Variants in BAZ2A observed in about 807,000 individuals in gnomAD.
The protein encoded by BAZ2A is bromodomain adjacent to zinc finger domain protein 2A.
In BAZ2A, 34 loss-of-function variants were observed where a neutral mutation model predicts 199.9. The observed-to-expected ratio is 0.17, with a 90% CI of 0.13 to 0.23. The LOEUF is 0.23. BAZ2A is among the 10% of genes least tolerant of loss of function. BAZ2A has a pLI of 1.00. For synonymous variants in BAZ2A, 857 were observed against 883.9 expected (o/e 0.97, Z 0.54); for missense variants, 2,002 against 2,391.1 (o/e 0.84, Z 3.39).
At position 56,611,994 on chromosome 12, in the gene BAZ2A, A is replaced by G. The variant is rs1313206493; in HGVS notation, c.1388T>C (p.Val463Ala). The change falls in exon 6 of 29, where the codon GTC (valine) becomes GCC (alanine). Residue 463 changes from valine to alanine, a missense_variant. Val to Ala is a moderately conservative substitution (Grantham distance 64). Transcript: ENST00000549884. ...GGAAGCTGGAGAGACCACTGAGAAG[A>G]CTGCTGGAGAGACAACTGTAGAAGC... ...PAASTVVSPA[V>A]FSVVSPASSA... 1 of 1,613,628 alleles carries G rather than the reference A, an allele frequency of 6.2e-7. No individual in the cohort carries two copies. Among genetic ancestry groups the G allele is most frequent in the Non-Finnish European group, 8.5e-7 (1 of 1,179,798 alleles).
At chr12:56,616,787 A>C (rs1950737358) in intron 2 of BAZ2A, among the ~76,000 whole-genome samples, 1 of 152,134 alleles carries the variant, frequency 6.6e-6, no homozygotes, top group Non-Finnish European at 1.5e-5. Context: ...CTTGAAACCC[A>C]AGCAAGATTA....
chr12:56,613,829 T>C (rs1356786711), intron 4 of BAZ2A, 124 bp downstream of exon 4: 3 of 1,049,340 alleles, frequency 2.9e-6, no homozygotes, highest in African/African-American at 3.2e-5. Flanking sequence ...TGGTCTGCCT[T>C]AGGCCTACCT....
Position 56,597,583 on chromosome 12 carries a change from G to T in BAZ2A, c.*1035C>A. On this transcript the variant is annotated 3_prime_UTR_variant, in exon 29 of 29. Coordinates refer to ENST00000549884, the MANE Select transcript of BAZ2A (RefSeq NM_001300905.2). ...GCACGCACACACACACACACACACA[G>T]CGCGCGCTCTGAGGCTGACACACAC... 1 of 18,352 alleles carries T rather than the reference G, an allele frequency of 5.4e-5. No individual in the cohort carries two copies. Among genetic ancestry groups the T allele is most frequent in the Non-Finnish European group, 2.1e-4 (1 of 4,718 alleles). The allele number at this position is 18,352 out of a possible 1,614,324, so 1.1% of individuals were successfully genotyped here. A position where few individuals can be genotyped will look rare whatever the true frequency, so the allele number is the denominator to read the frequency against.
At chr12:56,630,091 C>G in intron 1 of BAZ2A, 34 bp downstream of exon 1, 1 of 962,390 alleles carries the variant, frequency 1.0e-6, no homozygotes, top group Non-Finnish European at 1.2e-6. Context: ...GGGGCTCCCT[C>G]CCCCTCAGGC....
upstream of BAZ2A, among the ~76,000 whole-genome samples, chr12:56,634,595 T>C (rs975072925): frequency 3.9e-5 from 6 of 151,964 alleles, no homozygotes; most frequent in South Asian, 6.2e-4. Flanking sequence ...CCCCCTCCCA[T>C]TGGGGTTAGG....
At position 56,597,600 on chromosome 12, in the gene BAZ2A, G is replaced by GACACAC. The variant is rs781134279; in HGVS notation, c.*1012_*1017dup. ...CACACACAGCGCGCGCTCTGAGGCT[G>GACACAC]ACACACACACACACACACACAGCGC... On this transcript the variant is annotated 3_prime_UTR_variant, in exon 29 of 29. Transcript: ENST00000549884. 822 of 81,584 alleles carry GACACAC rather than the reference G, an allele frequency of 0.01. 8 individuals carry two copies. The highest frequency in any genetic ancestry group is 0.062 in the Middle Eastern group (8 of 128). 5.1% of individuals were successfully genotyped at this position (81,584 alleles called of 1,614,324 possible). A position where few individuals can be genotyped will look rare whatever the true frequency, so the allele number is the denominator to read the frequency against.
At position 56,602,697 on chromosome 12, in the gene BAZ2A, C is replaced by T. The variant is rs1950216966; in HGVS notation, c.3424+16G>A. On this transcript the variant is annotated intron_variant, in intron 19 of 28. Coordinates refer to ENST00000549884, the MANE Select transcript of BAZ2A (RefSeq NM_001300905.2). ...TTGATAGGACTCAGAATCCACACTC[C>T]CACAGGCACACCTACCTAAGTTCCC... The T allele has an allele frequency of 1.9e-6, 3 of 1,610,348 alleles. No homozygotes were observed. The highest frequency in any genetic ancestry group is 1.7e-6 in the Non-Finnish European group (2 of 1,176,958).
At chr12:56,630,458 CCT>C (rs1463153427), upstream of BAZ2A, 1 of 229,206 alleles carries the variant, frequency 4.4e-6, no homozygotes, top group African/African-American at 2.3e-5. Flanking sequence ...CGCTGTGCCT[CCT>C]GCAACTCTGG....
chr12:56,620,849 C>G (rs1950899524), intron 1 of BAZ2A, among the ~76,000 whole-genome samples: 1 of 152,174 alleles, frequency 6.6e-6, no homozygotes, highest in South Asian at 2.1e-4. Flanking sequence ...CCATGAGCCA[C>G]TGCGCCCAGT....
chr12:56,621,016 G>T, intron 1 of BAZ2A: 1 of 960,494 alleles, frequency 1.0e-6, no homozygotes, highest in Non-Finnish European at 1.2e-6. Context: ...ATACCACAGA[G>T]CAAGGAGGAC....
At chr12:56,631,450 CA>C (rs529753732), upstream of BAZ2A, among the ~76,000 whole-genome samples, 666 of 81,590 alleles carry the variant, frequency 8.2e-3, 2 homozygotes, top group Middle Eastern at 0.038. Context: ...GACTCTATCT[CA>C]AAAAAAAAAA....
At chr12:56,628,899 T>G (rs1355453024) in intron 1 of BAZ2A, among the ~76,000 whole-genome samples, 1 of 152,158 alleles carries the variant, frequency 6.6e-6, no homozygotes, top group East Asian at 1.9e-4. Flanking sequence ...TAACTGAGTT[T>G]GCTTCTCTAT....
chr12:56,635,039 C>CG, upstream of BAZ2A: 1 of 984,060 alleles, frequency 1.0e-6, no homozygotes, highest in Non-Finnish European at 1.2e-6. The surrounding 1 kb of genome is among the most constrained non-coding windows in gnomAD (Gnocchi z 4.1). Context: ...CAGCCCTGGG[C>CG]CGGCGGCGGC....
Position 56,601,364 on chromosome 12 carries a change from C to T in BAZ2A, c.4110G>A (p.Val1370=). The T allele has an allele frequency of 6.2e-7, 1 of 1,613,930 alleles. No individual in the cohort carries two copies. The highest frequency in any genetic ancestry group is 1.1e-5 in the South Asian group (1 of 91,082). ...CAGCCAAGGGCGTGGAAGAGAACTGCACTGGAGAACAAGGGTTGGCAGCAC... is the reference window on the plus strand; with the variant it reads ...CAGCCAAGGGCGTGGAAGAGAACTGTACTGGAGAACAAGGGTTGGCAGCAC... The part of the protein sequence containing the change: ...RPSAANPCSP[V]QFSSTPLAGL... Residue 1370 remains valine (V), a synonymous_variant, in exon 21 of 29, where the codon GTG becomes GTA. Transcript: ENST00000549884.
At position 56,600,740 on chromosome 12, in the gene BAZ2A, C is replaced by A. The variant is rs367726503; in HGVS notation, c.4543G>T (p.Val1515Leu). The A allele has an allele frequency of 1.1e-5, 17 of 1,613,818 alleles. No homozygotes were observed. Among genetic ancestry groups the A allele is most frequent in the Middle Eastern group, 1.7e-4 (1 of 5,916 alleles). ...KEKTYETDLA[V>L]LQWVEELEQR... Reference sequence around the variant, plus strand: ...TCCAGCTCCTCTACCCATTGAAGCACTGCTAGGTCTGTCTCGTATGTCTTC... The same window carrying A: ...TCCAGCTCCTCTACCCATTGAAGCAATGCTAGGTCTGTCTCGTATGTCTTC... The change falls in exon 23 of 29, where the codon GTG becomes TTG. Residue 1515 changes from valine (V) to leucine (L), a missense_variant. Physicochemically the swap from Val to Leu is conservative, Grantham distance 32. Coordinates refer to ENST00000549884, the MANE Select transcript of BAZ2A (RefSeq NM_001300905.2).
intron 7 of BAZ2A, among the ~76,000 whole-genome samples, chr12:56,610,792 T>A (rs1268508690): frequency 1.3e-5 from 2 of 152,092 alleles, no homozygotes; most frequent in African/African-American, 4.8e-5. Context: ...TGAGATAAGC[T>A]GCCAGAAACC....
At chr12:56,630,056 C>T (rs1951254286) in intron 1 of BAZ2A, 69 bp downstream of exon 1, 1 of 920,526 alleles carries the variant, frequency 1.1e-6, no homozygotes, top group Admixed American at 6.2e-5. Context: ...GCTTCTGTTC[C>T]CCGAGGGAAG....
chr12:56,598,876 G>T lies in BAZ2A; in HGVS notation c.5538C>A (p.Leu1846=), dbSNP rs774983246. ...CACCCACATCTACTTACCCTCCCCTGAGCAGCCGCTCCCGCATGGTGGAAA... is the reference window on the plus strand; with the variant it reads ...CACCCACATCTACTTACCCTCCCCTTAGCAGCCGCTCCCGCATGGTGGAAA... ...MDFSTMRERL[L]RGGYTSSEEF... Residue 1846 remains leucine, a synonymous_variant, in exon 28 of 29, where the codon CTC becomes CTA. Coordinates refer to ENST00000549884, the MANE Select transcript of BAZ2A (RefSeq NM_001300905.2). 3.1e-6 allele frequency: 5 copies of T among 1,606,938 alleles called. No individual in the cohort carries two copies. The highest frequency in any genetic ancestry group is 4.2e-6 in the Non-Finnish European group (5 of 1,176,776).
rs368247250 is a variant in BAZ2A at position 56,609,902 on chromosome 12, C to A, written c.1926G>T (p.Arg642Ser). Residue 642 changes from arginine to serine, a missense_variant, in exon 10 of 29, where the codon AGG becomes AGT. Around this residue, in one of 6 missense-constraint regions of BAZ2A, gnomAD observed 74 missense variants for 126.1 expected, o/e 0.59. Transcript: ENST00000549884. The stretch of plus-strand genomic sequence containing the variant: ...CCCGTTTGCCAGTAATTGCCTGAAT[C>A]CTCGACGGGATCTCCTCTGCTGAGA... ...VQLSAEEIPS[R>S]IQAITGKRGR... 6.2e-7 allele frequency: 1 copy of A among 1,612,926 alleles called. No homozygotes were observed. Among genetic ancestry groups the A allele is most frequent in the Non-Finnish European group, 8.5e-7 (1 of 1,179,780 alleles).
Sources: allele counts gnomAD v4.1 joint callset (sites outside exome capture counted in the v4.1 genomes callset), GRCh38; gene constraint gnomAD v4.1.1; regional missense constraint gnomAD v4.1.1; non-coding constraint Gnocchi (gnomAD v3.1); transcripts MANE v1.5; gene names NCBI Gene and HGNC (gene_info 2026-07-23, HGNC 2026-07-21).